ITGB2: variants seen among roughly 807,000 people sequenced by gnomAD.
ITGB2 encodes the protein integrin subunit beta 2.
A neutral mutation model predicts 86.8 loss-of-function variants in ITGB2; 56 were observed. The observed-to-expected ratio is 0.65, with a 90% CI of 0.52 to 0.81. ITGB2 has a LOEUF of 0.81. Among genes scored for constraint, ITGB2 ranks in the 30% least tolerant of loss-of-function variants. The probability of loss-of-function intolerance (pLI) is 0.00; values close to 1 mark genes in which losing one functional copy is unlikely to be tolerated. For synonymous variants in ITGB2, 457 were observed against 450.4 expected (o/e 1.01, Z -0.19); for missense variants, 948 against 1,061.2 (o/e 0.89, Z 1.48).
At chr21:44,911,291 C>T (rs1029321432) in intron 1 of ITGB2, 31 of 222,610 alleles carry the variant, frequency 1.4e-4, no homozygotes, top group African/African-American at 6.8e-4. Flanking sequence ...CACACACATA[C>T]ACACCACACA....
upstream of ITGB2, among the ~76,000 whole-genome samples, chr21:44,923,651 C>T (rs982816854): frequency 6.6e-6 from 1 of 152,054 alleles, no homozygotes; most frequent in Admixed American, 6.6e-5. Flanking sequence ...GTTATTATTT[C>T]GCGGGTATAA....
intron 14 of ITGB2, among the ~76,000 whole-genome samples, chr21:44,888,300 A>T (rs916471859): frequency 6.6e-6 from 1 of 152,060 alleles, no homozygotes; most frequent in Non-Finnish European, 1.5e-5. Context: ...CCCTCAAAGG[A>T]GCCTCACGCA....
chr21:44,923,192 G>A (rs1259474893), upstream of ITGB2, among the ~76,000 whole-genome samples: 1 of 152,144 alleles, frequency 6.6e-6, no homozygotes, highest in African/African-American at 2.4e-5. Context: ...GATGCAATTA[G>A]CAAAATCCAG....
chr21:44,891,296 T>A (rs2083782668), intron 11 of ITGB2, among the ~76,000 whole-genome samples: 1 of 152,042 alleles, frequency 6.6e-6, no homozygotes, highest in South Asian at 2.1e-4. Flanking sequence ...AGAGGTGGCC[T>A]ATGGGGCCCA....
In ITGB2 at chr21:44,888,672, G is replaced by A. The variant is rs769010871; in HGVS notation, c.2080+21C>T. The A allele has an allele frequency of 2.4e-5, 39 of 1,603,554 alleles. No individual in the cohort carries two copies. The Middle Eastern group carries it at 5.0e-4, about 20-fold the overall frequency. ...AGCCGGAGCTCTGGAGCCGGTCCCC[G>A]CTGCACCCCAGCGGCCTCACCTCGG... is the stretch of plus-strand genomic sequence containing the variant. On this transcript the variant is annotated intron_variant, in intron 14 of 15. Coordinates refer to ENST00000652462, the MANE Select transcript of ITGB2 (RefSeq NM_000211.5).
At chr21:44,899,234 C>T in intron 7 of ITGB2, 72 bp from the exon 8 acceptor site, 3 of 1,148,682 alleles carry the variant, frequency 2.6e-6, no homozygotes, top group Non-Finnish European at 3.9e-6. Context: ...CCCCTGTCTG[C>T]CCCGCTCAGC....
At chr21:44,889,084 G>C in intron 13 of ITGB2, 189 bp from the exon 14 acceptor site, 1 of 700,406 alleles carries the variant, frequency 1.4e-6, no homozygotes. Context: ...CAGGGCCCGC[G>C]GCAGGTGCGC....
intron 1 of ITGB2, among the ~76,000 whole-genome samples, chr21:44,918,934 TAAGCGTCCCCTCTCCCAGCACTCG>T (rs2084250735): frequency 7.0e-6 from 1 of 143,324 alleles, no homozygotes; most frequent in Non-Finnish European, 1.5e-5. Context: ...CTTGGGTGGC[TAAGCGTCCCCTCTCCCAGCACTCG>T]GAGCTGAGCG....
intron 1 of ITGB2, among the ~76,000 whole-genome samples, chr21:44,920,508 G>A (rs7278533): frequency 0.13 from 20,318 of 152,112 alleles, 1,932 homozygotes; most frequent in African/African-American, 0.26. Flanking sequence ...CCCCCCAGCC[G>A]TCCCCCTAGG....
chr21:44,903,597 C>A (rs912771565), intron 4 of ITGB2, 62 bp from the exon 5 acceptor site: 1 of 1,597,228 alleles, frequency 6.3e-7, no homozygotes, highest in Non-Finnish European at 8.5e-7. Context: ...TGTCTGGGGG[C>A]GTGTGGCCCC....
intron 1 of ITGB2, among the ~76,000 whole-genome samples, chr21:44,913,342 T>C (rs2084160351): frequency 6.6e-6 from 1 of 152,134 alleles, no homozygotes; most frequent in Non-Finnish European, 1.5e-5. Context: ...TACCCTCAAA[T>C]GGGGAAACTG....
At chr21:44,886,595 G>T in intron 15 of ITGB2, 141 bp downstream of exon 15, 2 of 1,419,134 alleles carry the variant, frequency 1.4e-6, no homozygotes, top group Non-Finnish European at 9.9e-7. Flanking sequence ...CACCCACAGC[G>T]GCGGACGCCC....
At chr21:44,897,148 A>T (rs1193669778) in intron 8 of ITGB2, among the ~76,000 whole-genome samples, 1 of 151,100 alleles carries the variant, frequency 6.6e-6, no homozygotes, top group Admixed American at 6.6e-5. Context: ...TCCTGCTCCC[A>T]CTCCAGAGCC....
chr21:44,917,211 C>T (rs887117851), intron 1 of ITGB2, among the ~76,000 whole-genome samples: 6 of 152,164 alleles, frequency 3.9e-5, no homozygotes, highest in African/African-American at 4.8e-5. Flanking sequence ...GATGCTTTGG[C>T]GGTTTCGGTG....
At chr21:44,923,289 C>T (rs2084332138), upstream of ITGB2, among the ~76,000 whole-genome samples, 1 of 152,122 alleles carries the variant, frequency 6.6e-6, no homozygotes, top group South Asian at 2.1e-4. Context: ...GATTTAATCT[C>T]TTAATAGAAC....
chr21:44,912,331 C>T (rs533364745), intron 1 of ITGB2, among the ~76,000 whole-genome samples: 9 of 152,296 alleles, frequency 5.9e-5, no homozygotes, highest in South Asian at 2.1e-4. Flanking sequence ...GGCTCCCCTC[C>T]ATCCCCCGAA....
At chr21:44,926,109 A>T (rs2084369735) in intron 1 of ITGB2, among the ~76,000 whole-genome samples, 1 of 152,036 alleles carries the variant, frequency 6.6e-6, no homozygotes, top group Non-Finnish European at 1.5e-5. Context: ...CGTCTCAAAA[A>T]ATATATATAC....
intron 1 of ITGB2, among the ~76,000 whole-genome samples, chr21:44,925,978 G>A (rs2084368213): frequency 6.6e-6 from 1 of 152,152 alleles, no homozygotes; most frequent in Admixed American, 6.5e-5. Flanking sequence ...GGTGGCGGGT[G>A]CCTGTAGTCC....
chr21:44,901,261 C>T (rs910409644), intron 6 of ITGB2, among the ~76,000 whole-genome samples: 2 of 152,252 alleles, frequency 1.3e-5, no homozygotes, highest in Non-Finnish European at 2.9e-5. Context: ...ATTTAACTCA[C>T]AGCAAACAAT....
Sources: allele counts gnomAD v4.1 joint callset (sites outside exome capture counted in the v4.1 genomes callset), GRCh38; gene constraint gnomAD v4.1.1; transcripts MANE v1.5; gene names NCBI Gene and HGNC (gene_info 2026-07-23, HGNC 2026-07-21).